RALYL: variants seen among roughly 807,000 people sequenced by gnomAD.
RALYL encodes the protein RALY RNA binding protein like.
Under a neutral mutation model 35.1 loss-of-function variants are expected in RALYL, and 29 were observed. The observed-to-expected ratio is 0.83, with a 90% CI of 0.61 to 1.13. The LOEUF is 1.13. Among genes scored for constraint, RALYL ranks in the 50% most tolerant of loss-of-function variants. The pLI, the probability that RALYL is intolerant of heterozygous loss-of-function variation, is 0.00. For missense variants in RALYL, 359 were observed against 360.4 expected, an observed-to-expected ratio of 1.00 and a Z score of 0.03; for synonymous variants, 120 against 127.6, an observed-to-expected ratio of 0.94 and a Z score of 0.40.
intron 1 of RALYL, among the ~76,000 whole-genome samples, chr8:84,188,923 T>C (rs923895268): frequency 3.3e-5 from 5 of 152,210 alleles, no homozygotes; most frequent in Admixed American, 3.3e-4. Context: ...AAAAGATTTT[T>C]GTTTGCTAGT....
chr8:84,507,376 G>C (rs1329307450), intron 1 of RALYL, among the ~76,000 whole-genome samples: 1 of 151,984 alleles, frequency 6.6e-6, no homozygotes, highest in Non-Finnish European at 1.5e-5. Flanking sequence ...AGATACCAAA[G>C]TATAATTATG....
chr8:84,551,239 T>C (rs1171065750), intron 2 of RALYL, among the ~76,000 whole-genome samples: 4 of 152,120 alleles, frequency 2.6e-5, no homozygotes, highest in African/African-American at 7.2e-5. Flanking sequence ...GTAATTGTAA[T>C]AATTATGTCA....
intron 3 of RALYL, among the ~76,000 whole-genome samples, chr8:84,785,563 A>T (rs998234806): frequency 6.6e-6 from 1 of 152,226 alleles, no homozygotes; most frequent in Non-Finnish European, 1.5e-5. Flanking sequence ...AGTGTCTTAA[A>T]GTATTCATGT....
chr8:84,873,220 G>A (rs1194352578), intron 6 of RALYL, 64 bp from the exon 7 acceptor site: 8 of 818,676 alleles, frequency 9.8e-6, no homozygotes, highest in Middle Eastern at 2.3e-4. Context: ...CTGTGAGTTC[G>A]GTCCTAGGTG....
chr8:84,659,808 C>T (rs1463712202), intron 2 of RALYL, among the ~76,000 whole-genome samples: 1 of 152,076 alleles, frequency 6.6e-6, no homozygotes, highest in Non-Finnish European at 1.5e-5. Context: ...TAAATGAATG[C>T]ATATGATCCC....
intron 1 of RALYL, among the ~76,000 whole-genome samples, chr8:84,273,172 A>T (rs2131972804): frequency 6.6e-6 from 1 of 152,364 alleles, no homozygotes; most frequent in Non-Finnish European, 1.5e-5. Flanking sequence ...ATTGTCTTAC[A>T]GTTTCTATAG....
At chr8:84,440,489 C>T (rs190946814) in intron 1 of RALYL, among the ~76,000 whole-genome samples, 286 of 152,168 alleles carry the variant, frequency 1.9e-3, no homozygotes, top group African/African-American at 6.6e-3. Context: ...AGAAATCACT[C>T]AGGAAATGCA....
chr8:84,512,745 T>A (rs895875542), intron 1 of RALYL, among the ~76,000 whole-genome samples: 5 of 152,208 alleles, frequency 3.3e-5, no homozygotes, highest in African/African-American at 1.2e-4. Flanking sequence ...CTTCTGCATA[T>A]GGATGTCCAA....
Position 84,377,451 on chromosome 8 carries a change from GTTTT to G in RALYL, c.-23-151827_-23-151824del, listed in dbSNP as rs369746268. Among the ~76,000 whole-genome samples the G allele has an allele frequency of 3.6e-4, 30 of 83,718 alleles. 1 individual carries two copies. In the South Asian group the frequency reaches 9.8e-3, roughly 27 times the overall value. The allele number at this position is 83,718 out of a possible 152,430, so 54.9% of individuals were successfully genotyped here. On this transcript the variant is annotated intron_variant, in intron 1 of 8. Transcript: ENST00000521268. ...GAGGAGATATCATCAAAGGTTAACT[GTTTT>G]TTTTTTTTTTTTTTTTTTTTCTTAA...
chr8:84,494,323 G>C (rs1053257465), intron 1 of RALYL, among the ~76,000 whole-genome samples: 24 of 152,228 alleles, frequency 1.6e-4, no homozygotes, highest in African/African-American at 5.5e-4. Flanking sequence ...AGTATAGTTT[G>C]AAGTCTGGTA....
chr8:84,715,290 C>A (rs1191478857), intron 2 of RALYL, among the ~76,000 whole-genome samples: 3 of 151,662 alleles, frequency 2.0e-5, no homozygotes, highest in African/African-American at 7.2e-5. Flanking sequence ...GAGCAATAAT[C>A]AAACATGTAA....
At chr8:84,406,624 A>G (rs2043526367) in intron 1 of RALYL, among the ~76,000 whole-genome samples, 1 of 152,056 alleles carries the variant, frequency 6.6e-6, no homozygotes, top group South Asian at 2.1e-4. Context: ...TTACACAAAC[A>G]TACGCATACA....
rs370535482 is a variant in RALYL, at chr8:84,330,192, TTTAC to T, written c.-24+145775_-24+145778del. Among the ~76,000 whole-genome samples the T allele has an allele frequency of 1.6e-3, 237 of 152,142 alleles. 7 individuals are homozygous for T. In the South Asian group the frequency reaches 0.034, roughly 22 times the overall value. ...AAAAGCACAGTGTCGTATTTATATT[TTTAC>T]TTACTTGATTGTAAAGGTGAGTGAA... On this transcript the variant is annotated intron_variant, in intron 1 of 8. Transcript: ENST00000521268.
At chr8:84,337,566 A>G (rs1008857003) in intron 1 of RALYL, among the ~76,000 whole-genome samples, 3 of 152,234 alleles carry the variant, frequency 2.0e-5, no homozygotes, top group Admixed American at 2.0e-4. Context: ...CAGTACATTG[A>G]ATGAAAGAAA....
At chr8:84,547,136 G>A (rs931853083) in intron 2 of RALYL, among the ~76,000 whole-genome samples, 2 of 151,856 alleles carry the variant, frequency 1.3e-5, no homozygotes, top group East Asian at 1.9e-4. Flanking sequence ...CTCCCAACAG[G>A]CCCCAGTGTG....
intron 1 of RALYL, among the ~76,000 whole-genome samples, chr8:84,350,534 C>T (rs946937720): frequency 6.7e-6 from 1 of 150,004 alleles, no homozygotes; most frequent in Non-Finnish European, 1.5e-5. Flanking sequence ...ATAAATAAGT[C>T]TGTAAGAAAA....
At chr8:84,601,893 T>A (rs1034363137) in intron 2 of RALYL, among the ~76,000 whole-genome samples, 28 of 152,178 alleles carry the variant, frequency 1.8e-4, no homozygotes, top group African/African-American at 6.5e-4. Context: ...TTGATTTGTA[T>A]AACTCCACTT....
At chr8:84,582,931 T>C (rs1209492452) in intron 2 of RALYL, among the ~76,000 whole-genome samples, 1 of 151,876 alleles carries the variant, frequency 6.6e-6, no homozygotes, top group Non-Finnish European at 1.5e-5. Flanking sequence ...AGATATAGTT[T>C]GGGATGCTGT....
At chr8:84,469,707 C>G (rs2052392256) in intron 1 of RALYL, among the ~76,000 whole-genome samples, 1 of 152,232 alleles carries the variant, frequency 6.6e-6, no homozygotes, top group African/African-American at 2.4e-5. Context: ...CCTAAGCAAG[C>G]CTGGGCAATG....
Sources: allele counts gnomAD v4.1 joint callset (sites outside exome capture counted in the v4.1 genomes callset), GRCh38; gene constraint gnomAD v4.1.1; transcripts MANE v1.5; gene names NCBI Gene and HGNC (gene_info 2026-07-23, HGNC 2026-07-21).